Variants in HECTD4 observed in about 807,000 individuals in gnomAD.
HECTD4 encodes the protein HECT domain E3 ubiquitin protein ligase 4, also known as probable E3 ubiquitin-protein ligase HECTD4.
HECTD4 carries 114 observed loss-of-function variants against 471.5 expected under a neutral mutation model. The observed-to-expected ratio is 0.24, with a 90% CI of 0.21 to 0.28. The LOEUF (loss-of-function observed/expected upper bound fraction) is 0.28. HECTD4 is among the 10% of genes least tolerant of loss of function. The pLI is 1.00. For synonymous variants in HECTD4, 2,012 were observed against 2,256.0 expected (o/e 0.89, Z 3.07); for missense variants, 3,866 against 5,651.5 (o/e 0.68, Z 10.13).
chr12:112,379,096 A>G (rs1377635824), intron 1 of HECTD4, among the ~76,000 whole-genome samples: 1 of 152,218 alleles, frequency 6.6e-6, no homozygotes, highest in African/African-American at 2.4e-5. Flanking sequence ...TATGAAAAAG[A>G]AACAGTTACT....
chr12:112,207,851 T>C, intron 52 of HECTD4, 23 bp downstream of exon 52: 2 of 1,612,616 alleles, frequency 1.2e-6, no homozygotes, highest in Non-Finnish European at 1.7e-6. Flanking sequence ...GTAACCTCCT[T>C]AGCAGAACAA....
chr12:112,176,768 A>G, intron 64 of HECTD4, 66 bp from the exon 65 acceptor site: 1 of 1,188,710 alleles, frequency 8.4e-7, no homozygotes, highest in Admixed American at 1.7e-5. Context: ...GGAAATACAC[A>G]GCCTCATAGT....
intron 1 of HECTD4, among the ~76,000 whole-genome samples, chr12:112,320,272 C>A (rs544892358): frequency 6.6e-6 from 1 of 152,006 alleles, no homozygotes; most frequent in African/African-American, 2.4e-5. Flanking sequence ...GAAGTAGAGG[C>A]TGCAGTAAGC....
chr12:112,229,656 A>C, intron 41 of HECTD4, 42 bp downstream of exon 41: 3 of 1,554,672 alleles, frequency 1.9e-6, no homozygotes, highest in Non-Finnish European at 2.6e-6. Context: ...ATGCTTATAT[A>C]TATGGGGGAA....
chr12:112,240,064 C>G (rs2033603398), intron 32 of HECTD4, 37 bp from the exon 33 acceptor site: 3 of 1,609,728 alleles, frequency 1.9e-6, no homozygotes, highest in Non-Finnish European at 2.5e-6. Context: ...CTTCCTGAAC[C>G]ATGTCAAGAA....
At chr12:112,251,772 T>C (rs1301193906) in intron 23 of HECTD4, among the ~76,000 whole-genome samples, 1 of 152,208 alleles carries the variant, frequency 6.6e-6, no homozygotes, top group East Asian at 1.9e-4. Flanking sequence ...TTTGTTTGTT[T>C]GTTTGTTTTT....
At chr12:112,328,430 G>A (rs1339534996) in intron 1 of HECTD4, among the ~76,000 whole-genome samples, 1 of 152,166 alleles carries the variant, frequency 6.6e-6, no homozygotes, top group Non-Finnish European at 1.5e-5. Flanking sequence ...GAGCCAGTAT[G>A]CCCTGCCAAT....
intron 34 of HECTD4, 64 bp downstream of exon 34, chr12:112,238,988 A>C: frequency 1.4e-6 from 2 of 1,468,852 alleles, no homozygotes; most frequent in Admixed American, 2.4e-5. Context: ...GCATAAAAAA[A>C]CCAATAAACT....
chr12:112,351,980 A>G (rs1414580686), intron 1 of HECTD4, among the ~76,000 whole-genome samples: 4 of 152,234 alleles, frequency 2.6e-5, no homozygotes, highest in African/African-American at 9.6e-5. Flanking sequence ...TTTTCATTCA[A>G]TTTAACAGAT....
intron 54 of HECTD4, 21 bp from the exon 55 acceptor site, chr12:112,200,819 G>A: frequency 6.2e-7 from 1 of 1,605,454 alleles, no homozygotes; most frequent in Non-Finnish European, 8.5e-7. Flanking sequence ...AAAAGAAAAT[G>A]TCTGTTTGTG....
At chr12:112,295,492 C>CT (rs1421105241) in intron 7 of HECTD4, among the ~76,000 whole-genome samples, 1 of 149,418 alleles carries the variant, frequency 6.7e-6, no homozygotes, top group Non-Finnish European at 1.5e-5. Context: ...CAGCAACTGG[C>CT]TAATATTAAT....
At chr12:112,232,693 T>G (rs2135568529) in intron 38 of HECTD4, among the ~76,000 whole-genome samples, 1 of 152,320 alleles carries the variant, frequency 6.6e-6, no homozygotes, top group African/African-American at 2.4e-5. Context: ...CTTTCACCTA[T>G]TTTCAACTAT....
chr12:112,217,318 T>G, intron 45 of HECTD4, 123 bp from the exon 46 acceptor site: 4 of 470,456 alleles, frequency 8.5e-6, no homozygotes, highest in Non-Finnish European at 1.1e-5. Flanking sequence ...CACACACACA[T>G]ACACACACAC....
At position 112,266,930 on chromosome 12, in the gene HECTD4, T is replaced by G. The variant is rs2034288951; in HGVS notation, c.2374A>C (p.Lys792Gln). ...TTCTTACCTTCTGTTAAGACCAGTT[T>G]AAGTAAGTTATTGATTTCAGTTTCA... ...PGETEINNLL[K>Q]LVLTEGERNS... The change falls in exon 14 of 76, where the codon AAA (lysine) becomes CAA (glutamine). Residue 792 changes from lysine to glutamine, a missense_variant. Coordinates refer to ENST00000682272, the MANE Select transcript of HECTD4 (RefSeq NM_001388303.1). 1 of 1,518,988 alleles carries G rather than the reference T, an allele frequency of 6.6e-7. No homozygotes were observed. Among genetic ancestry groups the G allele is most frequent in the African/African-American group, 1.4e-5 (1 of 72,604 alleles). The allele number at this position is 1,518,988 out of a possible 1,614,324, so 94.1% of individuals were successfully genotyped here.
At position 112,243,455 on chromosome 12, in the gene HECTD4, T is replaced by G; in HGVS notation, c.4856A>C (p.Gln1619Pro). The G allele has an allele frequency of 6.2e-7, 1 of 1,609,390 alleles. No individual in the cohort carries two copies. Among genetic ancestry groups the G allele is most frequent in the Non-Finnish European group, 8.5e-7 (1 of 1,178,000 alleles). ...CAATTCCCGCATGTGCACCAGTGCCTGCTTGCGAGTGTTTCCCCGCCGCCA... is the reference window on the plus strand; with the variant it reads ...CAATTCCCGCATGTGCACCAGTGCCGGCTTGCGAGTGTTTCCCCGCCGCCA... ...TRWRRGNTRK[Q>P]ALVHMRELLT... Residue 1619 changes from glutamine to proline, a missense_variant, in exon 32 of 76, where the codon CAG (glutamine) becomes CCG (proline). By Grantham distance (76) the Gln-to-Pro change is moderately conservative (BLOSUM62 -1). This residue lies in a region of HECTD4 where 229 missense variants were observed against 386.4 expected (regional missense o/e 0.59). Coordinates refer to ENST00000682272, the MANE Select transcript of HECTD4 (RefSeq NM_001388303.1). This position sits in a 1 kb window ranked among gnomAD's most constrained non-coding sequence, Gnocchi z 6.6.
intron 25 of HECTD4, among the ~76,000 whole-genome samples, chr12:112,249,403 G>A (rs904993643): frequency 4.0e-5 from 6 of 151,586 alleles, no homozygotes; most frequent in African/African-American, 1.5e-4. Context: ...TACATTTTGA[G>A]TTAGAGACAT....
chr12:112,171,297 G>C, intron 67 of HECTD4, 34 bp from the exon 68 acceptor site: 1 of 1,573,186 alleles, frequency 6.4e-7, no homozygotes, highest in Non-Finnish European at 8.6e-7. Flanking sequence ...CTGAGATCTC[G>C]GCCAGGTGGC....
intron 16 of HECTD4, 98 bp downstream of exon 16, chr12:112,265,077 T>C (rs1213281094): frequency 2.9e-5 from 33 of 1,152,688 alleles, no homozygotes; most frequent in Non-Finnish European, 4.7e-6. Flanking sequence ...TCATAAATTA[T>C]TGTAAGTCTG....
At chr12:112,165,309 G>A (rs2030895145) in intron 72 of HECTD4, among the ~76,000 whole-genome samples, 1 of 150,598 alleles carries the variant, frequency 6.6e-6, no homozygotes, top group Non-Finnish European at 1.5e-5. Flanking sequence ...GGCCCTGCCT[G>A]AAGTCAAACC....
Sources: gnomAD v4.1 joint callset for allele counts (sites outside exome capture counted in the v4.1 genomes callset) on GRCh38, gnomAD v4.1.1 for gene constraint, gnomAD v4.1.1 regional missense constraint, Gnocchi (gnomAD v3.1) non-coding constraint, MANE v1.5 for transcripts, NCBI Gene and HGNC (gene_info 2026-07-23, HGNC 2026-07-21) for gene names.